The following THOC7 variants were observed in gnomAD, a reference collection of about 807,000 sequenced individuals.
THOC7 encodes NIF3L1-binding protein 1.
Under a neutral mutation model 33.1 loss-of-function variants are expected in THOC7, and 22 were observed. The ratio of observed to expected loss-of-function variants is 0.66; its 90% CI spans 0.47 to 0.95. The LOEUF is 0.95. Ranked by LOEUF, THOC7 falls within the 40% of genes least tolerant of loss-of-function variation. The probability of loss-of-function intolerance (pLI) is 0.00; values close to 1 mark genes in which losing one functional copy is unlikely to be tolerated. For synonymous variants in THOC7, 77 were observed against 76.8 expected, an observed-to-expected ratio of 1.00 and a Z score of -0.01; for missense variants, 184 against 245.3, an observed-to-expected ratio of 0.75 and a Z score of 1.67.
chr3:63,850,387 G>C (rs1701995489), intron 1 of THOC7, among the ~76,000 whole-genome samples: 1 of 151,180 alleles, frequency 6.6e-6, no homozygotes, highest in Admixed American at 6.6e-5. Context: ...TTTTAGGAGA[G>C]TCAGGGTTTC....
At chr3:63,862,288 A>G (rs1702239753) in intron 1 of THOC7, among the ~76,000 whole-genome samples, 1 of 152,224 alleles carries the variant, frequency 6.6e-6, no homozygotes, top group African/African-American at 2.4e-5. Context: ...ATATCTATTT[A>G]TTCTTCAAAA....
chr3:63,835,996 G>A (rs1202146234), intron 5 of THOC7, among the ~76,000 whole-genome samples: 1 of 151,876 alleles, frequency 6.6e-6, no homozygotes, highest in Non-Finnish European at 1.5e-5. Flanking sequence ...TTTGAGAGCT[G>A]TGTTTTAAAA....
chr3:63,840,245 G>T (rs1213603866), intron 1 of THOC7, among the ~76,000 whole-genome samples: 10 of 152,024 alleles, frequency 6.6e-5, no homozygotes, highest in Non-Finnish European at 1.3e-4. Context: ...AAAAGGAATA[G>T]ACAGGAAATA....
At chr3:63,858,712 A>C (rs970091904) in intron 1 of THOC7, among the ~76,000 whole-genome samples, 1 of 152,212 alleles carries the variant, frequency 6.6e-6, no homozygotes, top group Non-Finnish European at 1.5e-5. Flanking sequence ...CAACATCCAC[A>C]CTGTTTTTCA....
In THOC7 at chr3:63,834,316, T is replaced by C. The variant is rs1208951708; in HGVS notation, c.548-117A>G. The C allele has an allele frequency of 1.7e-5, 16 of 943,734 alleles. No homozygotes were observed. The Admixed American group carries it at 4.3e-4, about 25-fold the overall frequency. 58.5% of individuals were successfully genotyped at this position (943,734 alleles called of 1,614,324 possible). A position where few individuals can be genotyped will look rare whatever the true frequency, so the allele number is the denominator to read the frequency against. ...CCAATACAATTAAAGCTAAGATGGC[T>C]ACTAGTTGAATCAAACTTTAAAATT... On this transcript the variant is annotated intron_variant, in intron 7 of 7. Transcript: ENST00000295899.
rs758256511 is a variant in THOC7 at position 63,836,281 on chromosome 3, A to T, written c.410+20T>A. 6 of 1,607,992 alleles carry T rather than the reference A, an allele frequency of 3.7e-6. No individual in the cohort carries two copies. Among genetic ancestry groups the T allele is most frequent in the Non-Finnish European group, 5.1e-6 (6 of 1,176,790 alleles). On this transcript the variant is annotated intron_variant, in intron 5 of 7. Coordinates refer to ENST00000295899, the MANE Select transcript of THOC7 (RefSeq NM_025075.4). ...TATGTATAAAGGTTAGTTCCTTTCA[A>T]AGTAAAGCTCTACACTTACTTTAAT...
intron 1 of THOC7, among the ~76,000 whole-genome samples, chr3:63,840,428 C>CA (rs972567386): frequency 6.6e-6 from 1 of 151,774 alleles, no homozygotes; most frequent in African/African-American, 2.4e-5. Flanking sequence ...TCTGACTCTA[C>CA]AAAAAATAAA....
At chr3:63,843,564 G>A (rs530013325) in intron 1 of THOC7, among the ~76,000 whole-genome samples, 1 of 152,244 alleles carries the variant, frequency 6.6e-6, no homozygotes, top group South Asian at 2.1e-4. Flanking sequence ...CAATAGCCAA[G>A]GTATGGAATC....
intron 1 of THOC7, among the ~76,000 whole-genome samples, chr3:63,847,457 G>A (rs996248221): frequency 7.9e-5 from 12 of 152,194 alleles, no homozygotes; most frequent in Non-Finnish European, 7.3e-5. Context: ...TGAAAAGAAG[G>A]CCGGGTGCAG....
At chr3:63,842,955 TA>T (rs1423654769) in intron 1 of THOC7, among the ~76,000 whole-genome samples, 11 of 151,706 alleles carry the variant, frequency 7.3e-5, no homozygotes. Context: ...CTAATTTTTG[TA>T]TTTTTTTTTT....
chr3:63,863,598 G>A, intron 1 of THOC7, 174 bp downstream of exon 1: 1 of 1,196,800 alleles, frequency 8.4e-7, no homozygotes, highest in Non-Finnish European at 1.0e-6. Flanking sequence ...AAGGACTCAG[G>A]GAAGCAGCCG....
chr3:63,836,238 C>G (rs2637982), intron 5 of THOC7, 63 bp downstream of exon 5: 1,480,920 of 1,482,364 alleles, frequency 1, 739,743 homozygotes, highest in East Asian at 1. Context: ...GAAATGCCTA[C>G]GGTAGTTTTC....
intron 1 of THOC7, among the ~76,000 whole-genome samples, chr3:63,855,047 T>C (rs1396081140): frequency 1.3e-5 from 2 of 151,956 alleles, no homozygotes; most frequent in Admixed American, 1.3e-4. Flanking sequence ...AGCAATTAAC[T>C]TCACGTATTA....
At position 63,834,160 on chromosome 3, in the gene THOC7, G is replaced by C. The variant is rs1416138389; in HGVS notation, c.587C>G (p.Ala196Gly). 1 of 1,614,030 alleles carries C rather than the reference G, an allele frequency of 6.2e-7. No individual in the cohort carries two copies. The highest frequency in any genetic ancestry group is 1.7e-5 in the Admixed American group (1 of 60,014). ...TGGCTTAGGATCTGTTTCCATGCTT[G>C]CTTCCTGAGCTTCTTCTACCTCTGA... ...KLSEVEEAQE[A>G]SMETDPKP The change falls in exon 8 of 8, where the codon GCA becomes GGA. Residue 196 changes from alanine (A) to glycine (G), a missense_variant. By Grantham distance (60) the Ala-to-Gly change is moderately conservative. Around this residue, in one of 3 missense-constraint regions of THOC7, gnomAD observed 25 missense variants for 26.5 expected, o/e 0.94. Transcript: ENST00000295899.
intron 1 of THOC7, among the ~76,000 whole-genome samples, chr3:63,860,059 C>T (rs1702179677): frequency 6.6e-6 from 1 of 152,154 alleles, no homozygotes; most frequent in Admixed American, 6.6e-5. Context: ...ACCTCAAACT[C>T]CTGGGCTCAA....
chr3:63,834,883 A>C (rs537194765), intron 7 of THOC7, among the ~76,000 whole-genome samples: 6 of 152,194 alleles, frequency 3.9e-5, no homozygotes, highest in Non-Finnish European at 7.3e-5. Flanking sequence ...AGTCAACTAC[A>C]GTGAACCAAG....
intron 1 of THOC7, among the ~76,000 whole-genome samples, chr3:63,852,460 T>TA (rs1450759409): frequency 1.3e-5 from 2 of 152,146 alleles, no homozygotes; most frequent in African/African-American, 2.4e-5. Flanking sequence ...TAGCTGTTGT[T>TA]AAAAAAGAAA....
At chr3:63,852,805 A>C (rs918834213) in intron 1 of THOC7, among the ~76,000 whole-genome samples, 1 of 152,222 alleles carries the variant, frequency 6.6e-6, no homozygotes, top group African/African-American at 2.4e-5. Context: ...AGGCTACCAA[A>C]GCATACACAG....
chr3:63,841,273 A>G (rs1701754325), intron 1 of THOC7, among the ~76,000 whole-genome samples: 1 of 152,244 alleles, frequency 6.6e-6, no homozygotes, highest in South Asian at 2.1e-4. Context: ...GGACAGATCC[A>G]CAAGAAACTT....
Sources: gnomAD v4.1 joint callset for allele counts (sites outside exome capture counted in the v4.1 genomes callset) on GRCh38, gnomAD v4.1.1 for gene constraint, gnomAD v4.1.1 regional missense constraint, MANE v1.5 for transcripts, NCBI Gene and HGNC (gene_info 2026-07-23, HGNC 2026-07-21) for gene names.